The following DPAGT1 variants were observed in gnomAD, a reference collection of about 807,000 sequenced individuals.
DPAGT1 encodes the protein UDP-N-acetylglucosamine--dolichyl-phosphate N-acetylglucosaminephosphotransferase.
In DPAGT1, 25 loss-of-function variants were observed where a neutral mutation model predicts 39.3. The observed-to-expected ratio is 0.64, with a 90% CI of 0.46 to 0.89. The LOEUF is 0.89. Ranked by LOEUF, DPAGT1 falls within the 40% of genes least tolerant of loss-of-function variation. DPAGT1 has a pLI of 0.00. For missense variants in DPAGT1, 381 were observed against 500.6 expected, an observed-to-expected ratio of 0.76 and a Z score of 2.28; for synonymous variants, 193 against 201.4, an observed-to-expected ratio of 0.96 and a Z score of 0.36.
chr11:119,100,655 C>T lies in DPAGT1; in HGVS notation c.471G>A (p.Pro157=), dbSNP rs376528767. ...CCAAGTCCAGATGCAGGCCAAGTAT[C>T]GGGCGGAAGGGCTTGGGCACCACAA... ...TTIVVPKPFR[P]ILGLHLDLGI... Residue 157 remains proline, a synonymous_variant, in exon 3 of 9, where the codon CCG becomes CCA. Coordinates refer to ENST00000354202, the MANE Select transcript of DPAGT1 (RefSeq NM_001382.4). The T allele has an allele frequency of 1.9e-5, 31 of 1,613,954 alleles. 1 individual carries two copies. In the South Asian group the frequency reaches 2.7e-4, roughly 14 times the overall value.
rs770121489 is a variant in DPAGT1 at position 119,097,338 on chromosome 11, A to G, written c.1006-41T>C. On this transcript the variant is annotated intron_variant, in intron 7 of 8. Transcript: ENST00000354202. The surrounding 1 kb of genome is among the most constrained non-coding windows in gnomAD (Gnocchi z 4.6). ...GTGAAGAGAACCTCAGCTAATACCT[A>G]TGCTTTAGGAATGTGGATCTATTTA... is the stretch of plus-strand genomic sequence containing the variant. 4 of 1,613,648 alleles carry G rather than the reference A, an allele frequency of 2.5e-6. No individual in the cohort carries two copies. The South Asian group carries it at 4.4e-5, about 18-fold the overall frequency.
Position 119,097,748 on chromosome 11 carries a change from T to C in DPAGT1, c.917+107A>G. Reference sequence around the variant, plus strand: ...TTATAAAGGGCTACTCACATGGAAATAGCCCTTCTTTGGGCCCACTCCCTT... The same window carrying C: ...TTATAAAGGGCTACTCACATGGAAACAGCCCTTCTTTGGGCCCACTCCCTT... On this transcript the variant is annotated intron_variant, in intron 6 of 8. Transcript: ENST00000354202. The surrounding 1 kb of genome is among the most constrained non-coding windows in gnomAD (Gnocchi z 4.6). 1 of 1,518,680 alleles carries C rather than the reference T, an allele frequency of 6.6e-7. No homozygotes were observed. The highest frequency in any genetic ancestry group is 1.1e-5 in the South Asian group (1 of 88,674). The allele number at this position is 1,518,680 out of a possible 1,614,324, so 94.1% of individuals were successfully genotyped here.
At chr11:119,094,767 A>ACGGGAG (rs1467838335), downstream of DPAGT1, 56 of 587,842 alleles carry the variant, frequency 9.5e-5, no homozygotes, top group East Asian at 1.7e-3. Context: ...GCGGTGCGGG[A>ACGGGAG]CGGGAGCGGG....
rs185858377 is a variant in DPAGT1, at chr11:119,100,251, A to G, written c.643+11T>C. ...TCAGACTTCTCTCTCCCCACCCCCAATCCCACCTACCTTCCAACTCTACCA... is the reference window on the plus strand; with the variant it reads ...TCAGACTTCTCTCTCCCCACCCCCAGTCCCACCTACCTTCCAACTCTACCA... On this transcript the variant is annotated intron_variant, in intron 4 of 8. Transcript: ENST00000354202. 1.9e-6 allele frequency: 3 copies of G among 1,613,886 alleles called. No individual in the cohort carries two copies. The highest frequency in any genetic ancestry group is 2.5e-6 in the Non-Finnish European group (3 of 1,179,992).
At position 119,101,554 on chromosome 11, in the gene DPAGT1, GCCCCGGAAGGC is replaced by G; in HGVS notation, c.91_101del (p.Ala31ProfsTer54). On this transcript the variant is annotated frameshift_variant, in exon 1 of 9. Transcript: ENST00000354202. LOFTEE classifies it high-confidence loss of function. ...CACAGAGGCGCGCAGCAATGAAGTG[GCCCCGGAAGGC>G]CGGGATGAGGGTGACTGTGGCCACA... The G allele has an allele frequency of 6.2e-7, 1 of 1,614,228 alleles. No homozygotes were observed. Among genetic ancestry groups the G allele is most frequent in the South Asian group, 1.1e-5 (1 of 91,084 alleles).
Position 119,101,739 on chromosome 11 carries a change from A to G in DPAGT1, c.-84T>C. On this transcript the variant is annotated 5_prime_UTR_variant, in exon 1 of 9. Transcript: ENST00000354202. ...CAGTCCTGAGGCCTCAGCAGTATGG[A>G]GTGGCCGCTCCCCACAGGCAGGCTC... 2 of 1,604,416 alleles carry G rather than the reference A, an allele frequency of 1.2e-6. No homozygotes were observed. Among genetic ancestry groups the G allele is most frequent in the African/African-American group, 2.7e-5 (2 of 74,786 alleles).
rs1946516909 is a variant in DPAGT1 at position 119,101,816 on chromosome 11, G to C, written c.-161C>G. On this transcript the variant is annotated 5_prime_UTR_variant, in exon 1 of 9. Coordinates refer to ENST00000354202, the MANE Select transcript of DPAGT1 (RefSeq NM_001382.4). ...AGCAACTCTGACTTGAGCCGCCGTCGGGACACCGGGGAACCTCTCTAAGGC... is the reference window on the plus strand; with the variant it reads ...AGCAACTCTGACTTGAGCCGCCGTCCGGACACCGGGGAACCTCTCTAAGGC... 1.3e-6 allele frequency: 2 copies of C among 1,504,108 alleles called. No homozygotes were observed. The highest frequency in any genetic ancestry group is 1.8e-6 in the Non-Finnish European group (2 of 1,127,988). 93.2% of individuals were successfully genotyped at this position (1,504,108 alleles called of 1,614,324 possible).
In DPAGT1 at chr11:119,097,833, T is replaced by C; in HGVS notation, c.917+22A>G. 6.2e-7 allele frequency: 1 copy of C among 1,613,904 alleles called. No homozygotes were observed. The highest frequency in any genetic ancestry group is 1.7e-5 in the Admixed American group (1 of 60,032). On this transcript the variant is annotated intron_variant, in intron 6 of 8. Coordinates refer to ENST00000354202, the MANE Select transcript of DPAGT1 (RefSeq NM_001382.4). This position sits in a 1 kb window ranked among gnomAD's most constrained non-coding sequence, Gnocchi z 4.6. Reference sequence around the variant, plus strand: ...CCAAGTGAAAAGGCTATGATGTCCATTTCAAGCCAAAAAGCGGCTACCTGG... The same window carrying C: ...CCAAGTGAAAAGGCTATGATGTCCACTTCAAGCCAAAAAGCGGCTACCTGG...
chr11:119,101,003 C>G lies in DPAGT1; in HGVS notation c.282+15G>C, dbSNP rs1270884629. 6.2e-7 allele frequency: 1 copy of G among 1,614,230 alleles called. No individual in the cohort carries two copies. Among genetic ancestry groups the G allele is most frequent in the South Asian group, 1.1e-5 (1 of 91,084 alleles). ...GGTCCCAGCCACAGGCAATCACCCCCACGAACCCACTTACTTCATGGTGGG... is the reference window on the plus strand; with the variant it reads ...GGTCCCAGCCACAGGCAATCACCCCGACGAACCCACTTACTTCATGGTGGG... On this transcript the variant is annotated intron_variant, in intron 2 of 8. Transcript: ENST00000354202.
chr11:119,100,224 ACTCAGACTT>A (rs758649876), intron 4 of DPAGT1, 29 bp downstream of exon 4: 1 of 1,613,708 alleles, frequency 6.2e-7, no homozygotes, highest in South Asian at 1.1e-5. Flanking sequence ...CACCTTTAAC[ACTCAGACTT>A]CTCTCTCCCC....
At chr11:119,101,162 G>A (rs181437941) in intron 1 of DPAGT1, 24 bp from the exon 2 acceptor site, 5 of 1,613,608 alleles carry the variant, frequency 3.1e-6, no homozygotes, top group South Asian at 2.2e-5. Context: ...GCAAGGGGGC[G>A]AGGGGGAAGA....
At chr11:119,096,211 C>A (rs1398067824), downstream of DPAGT1, among the ~76,000 whole-genome samples, 1 of 152,220 alleles carries the variant, frequency 6.6e-6, no homozygotes, top group African/African-American at 2.4e-5. Flanking sequence ...ATCCTCCTGC[C>A]TCAGCCTCCT....
intron 4 of DPAGT1, among the ~76,000 whole-genome samples, chr11:119,098,888 G>C (rs2134904631): frequency 6.6e-6 from 1 of 152,250 alleles, no homozygotes; most frequent in South Asian, 2.1e-4. Flanking sequence ...AAAGTACTTA[G>C]CTTTAATAAA....
Position 119,101,329 on chromosome 11 carries a change from C to G in DPAGT1, c.161+166G>C, listed in dbSNP as rs998589788. On this transcript the variant is annotated intron_variant, in intron 1 of 8. Transcript: ENST00000354202. ...ATATACCCAAGGGTCCCTACCCATC[C>G]TTTCCCCAATGCGAGTAAGTTCTGC... 4.1e-6 allele frequency: 6 copies of G among 1,449,506 alleles called. No homozygotes were observed. The African/African-American group carries it at 5.6e-5, about 13-fold the overall frequency. 89.8% of individuals were successfully genotyped at this position (1,449,506 alleles called of 1,614,324 possible).
chr11:119,096,864 G>A lies in DPAGT1; in HGVS notation c.*134C>T. 9.4e-7 allele frequency: 1 copy of A among 1,066,164 alleles called. No homozygotes were observed. The highest frequency in any genetic ancestry group is 1.4e-5 in the South Asian group (1 of 73,338). The allele number at this position is 1,066,164 out of a possible 1,614,324, so 66.0% of individuals were successfully genotyped here. On this transcript the variant is annotated 3_prime_UTR_variant, in exon 9 of 9. Transcript: ENST00000354202. ...CCAATGATCACAGAGAAAGGAAAATGCTGAGAACAAAATCTGGAGGAGTAT... is the reference window on the plus strand; with the variant it reads ...CCAATGATCACAGAGAAAGGAAAATACTGAGAACAAAATCTGGAGGAGTAT...
chr11:119,100,893 C>T (rs1946491372), intron 2 of DPAGT1, 50 bp from the exon 3 acceptor site: 2 of 1,613,768 alleles, frequency 1.2e-6, no homozygotes, highest in African/African-American at 1.3e-5. Flanking sequence ...CCCATTCCAC[C>T]TTTTAAGAAT....
At chr11:119,098,065 G>A (rs368764050) in intron 5 of DPAGT1, 22 bp from the exon 6 acceptor site, 26 of 1,613,514 alleles carry the variant, frequency 1.6e-5, no homozygotes, top group East Asian at 8.9e-5. Context: ...AAGAGGATCC[G>A]AGCCAGTGGC....
At chr11:119,099,937 A>G (rs1477049536) in intron 4 of DPAGT1, among the ~76,000 whole-genome samples, 2 of 152,148 alleles carry the variant, frequency 1.3e-5, no homozygotes, top group African/African-American at 4.8e-5. Context: ...ACATGATTAC[A>G]GAGGGAGGGG....
chr11:119,095,018 C>G (rs374184122), downstream of DPAGT1: 5 of 1,613,126 alleles, frequency 3.1e-6, no homozygotes, highest in African/African-American at 5.3e-5. Context: ...CGCCTTCGGC[C>G]CCACGGTGGC....
Sources: allele counts gnomAD v4.1 joint callset (sites outside exome capture counted in the v4.1 genomes callset), GRCh38; gene constraint gnomAD v4.1.1; non-coding constraint Gnocchi (gnomAD v3.1); transcripts MANE v1.5; gene names NCBI Gene and HGNC (gene_info 2026-07-23, HGNC 2026-07-21).